Variants in HEATR5B observed in about 807,000 individuals in gnomAD.
The protein encoded by HEATR5B is HEAT repeat-containing protein 5B.
A neutral mutation model predicts 224.1 loss-of-function variants in HEATR5B; 156 were observed. The ratio of observed to expected loss-of-function variants is 0.70; its 90% CI spans 0.61 to 0.80. The LOEUF is 0.80. Ranked by LOEUF, HEATR5B falls within the 30% of genes least tolerant of loss-of-function variation. HEATR5B has a pLI of 0.00. For missense variants in HEATR5B, 2,323 were observed against 2,535.5 expected (o/e 0.92, Z 1.80); for synonymous variants, 1,027 against 893.0 (o/e 1.15, Z -2.68).
intron 26 of HEATR5B, 88 bp from the exon 27 acceptor site, chr2:37,014,108 A>G (rs1667963155): frequency 1.5e-6 from 1 of 658,008 alleles, no homozygotes; most frequent in Admixed American, 3.0e-5. Context: ...CCTAGAAGAT[A>G]AAACACAAAA....
chr2:37,032,145 T>A (rs369943364), intron 22 of HEATR5B, among the ~76,000 whole-genome samples: 26 of 152,314 alleles, frequency 1.7e-4, no homozygotes, highest in East Asian at 1.3e-3. Context: ...CAAGTGCCCC[T>A]GAAACATCCT....
intron 2 of HEATR5B, among the ~76,000 whole-genome samples, chr2:37,082,589 T>A (rs12469391): frequency 0.037 from 5,709 of 152,298 alleles, 122 homozygotes; most frequent in African/African-American, 0.058. Context: ...AACAATACCA[T>A]GAGCGATCTG....
intron 34 of HEATR5B, 24 bp downstream of exon 34, chr2:36,990,624 A>C: frequency 2.6e-6 from 4 of 1,516,100 alleles, no homozygotes; most frequent in Non-Finnish European, 3.6e-6. Flanking sequence ...GTTTTTATCT[A>C]TGTCTGTGTA....
chr2:37,005,872 T>C, intron 29 of HEATR5B, 113 bp from the exon 30 acceptor site: 3 of 777,660 alleles, frequency 3.9e-6, no homozygotes, highest in Non-Finnish European at 5.8e-6. Flanking sequence ...CATGTATTTA[T>C]TAATACCTTA....
intron 13 of HEATR5B, 39 bp downstream of exon 13, chr2:37,058,849 A>G: frequency 8.4e-7 from 1 of 1,195,128 alleles, no homozygotes; most frequent in Non-Finnish European, 1.2e-6. Flanking sequence ...TTATTAATAT[A>G]TAAAATAGGA....
intron 35 of HEATR5B, among the ~76,000 whole-genome samples, chr2:36,987,631 C>T (rs896236927): frequency 1.3e-5 from 2 of 151,690 alleles, no homozygotes; most frequent in African/African-American, 4.8e-5. Flanking sequence ...TGGATGTATG[C>T]AGTAGTTTTT....
intron 34 of HEATR5B, among the ~76,000 whole-genome samples, chr2:36,989,881 G>C (rs1312545478): frequency 6.7e-6 from 1 of 150,080 alleles, no homozygotes; most frequent in African/African-American, 2.5e-5. Context: ...AGACAGTACT[G>C]GAATCCAAGA....
At position 37,057,406 on chromosome 2, in the gene HEATR5B, A is replaced by T; in HGVS notation, c.2134T>A (p.Ser712Thr). The T allele has an allele frequency of 6.2e-7, 1 of 1,612,074 alleles. No individual in the cohort carries two copies. The highest frequency in any genetic ancestry group is 8.5e-7 in the Non-Finnish European group (1 of 1,179,014). The change falls in exon 15 of 36, where the codon TCC becomes ACC. Residue 712 changes from serine to threonine, a missense_variant. Around this residue, in one of 12 missense-constraint regions of HEATR5B, gnomAD observed 502 missense variants for 517.8 expected, o/e 0.97. Transcript: ENST00000233099. Reference sequence around the variant, plus strand: ...TAATGGCAGAGGGATCTGAGGAGGGAAGTAGTTGTGTTGGCTGAGTTGTCA... The same window carrying T: ...TAATGGCAGAGGGATCTGAGGAGGGTAGTAGTTGTGTTGGCTGAGTTGTCA... ...LTDNSANTTT[S>T]LLRSLCHYDD...
At chr2:36,995,094 T>G (rs186966926) in intron 33 of HEATR5B, among the ~76,000 whole-genome samples, 1,476 of 142,248 alleles carry the variant, frequency 0.01, 44 homozygotes, top group Non-Finnish European at 0.016. Context: ...CTTGTTTTTT[T>G]TTTTTTTTTT....
chr2:37,040,033 G>C (rs1398669173), intron 20 of HEATR5B, among the ~76,000 whole-genome samples: 37 of 152,128 alleles, frequency 2.4e-4, no homozygotes. Flanking sequence ...TAGCACTCTA[G>C]GCCAAAGGAA....
intron 30 of HEATR5B, 56 bp from the exon 31 acceptor site, chr2:37,003,742 T>C: frequency 7.8e-7 from 1 of 1,275,918 alleles, no homozygotes; most frequent in East Asian, 2.8e-5. Flanking sequence ...AGAATAACTT[T>C]ATATTGTTAA....
Position 37,002,333 on chromosome 2 carries a change from CAG to C in HEATR5B, c.5288_5289del (p.Ser1763Ter). 6.2e-7 allele frequency: 1 copy of C among 1,614,178 alleles called. No individual in the cohort carries two copies. The highest frequency in any genetic ancestry group is 1.6e-4 in the Middle Eastern group (1 of 6,062). On this transcript the variant is annotated frameshift_variant, in exon 32 of 36. Transcript: ENST00000233099. LOFTEE classifies it high-confidence loss of function. ...RLVAATVTILSDLPSLCSPAG... is the reference protein window; with the variant it reads ...RLVAATVTILXDLPSLCSPAG... ...GCGGGTGAACAAAGGGATGGTAAAT[CAG>C]AGAGTATGGTAACTGTGGCTGCCAC...
At chr2:37,068,173 A>T (rs745618589) in intron 8 of HEATR5B, among the ~76,000 whole-genome samples, 1 of 152,208 alleles carries the variant, frequency 6.6e-6, no homozygotes, top group African/African-American at 2.4e-5. Context: ...TATTTATTAA[A>T]TTGAAAAATT....
At chr2:37,070,860 T>A (rs1671862191) in intron 6 of HEATR5B, among the ~76,000 whole-genome samples, 3 of 152,222 alleles carry the variant, frequency 2.0e-5, no homozygotes. Context: ...CCACATATAG[T>A]AGCAAATGCA....
chr2:37,040,004 G>T (rs1669775600), intron 20 of HEATR5B, among the ~76,000 whole-genome samples: 1 of 152,188 alleles, frequency 6.6e-6, no homozygotes, highest in South Asian at 2.1e-4. Flanking sequence ...TGAAGCAAAA[G>T]TCCATGAAGA....
intron 35 of HEATR5B, among the ~76,000 whole-genome samples, chr2:36,984,215 AATATATAT>A (rs60636196): frequency 1.8e-4 from 14 of 77,616 alleles, no homozygotes; most frequent in African/African-American, 2.3e-4. Flanking sequence ...AAAAAAAAAA[AATATATAT>A]ATATATATAT....
At chr2:37,083,267 G>T (rs1469862833) in intron 2 of HEATR5B, 22 bp downstream of exon 2, 2 of 1,613,100 alleles carry the variant, frequency 1.2e-6, no homozygotes, top group East Asian at 2.2e-5. Flanking sequence ...AATGCAACTG[G>T]GAAAAAAGAG....
At chr2:37,031,846 T>TAAAAAGTTTCCAAACC (rs1669154101) in intron 22 of HEATR5B, among the ~76,000 whole-genome samples, 1 of 152,062 alleles carries the variant, frequency 6.6e-6, no homozygotes, top group African/African-American at 2.4e-5. Flanking sequence ...ATTAAACTCT[T>TAAAAAGTTTCCAAACC]AAAAAGTTTC....
At position 36,981,618 on chromosome 2, in the gene HEATR5B, C is replaced by T. The variant is rs761712052; in HGVS notation, c.6088G>A (p.Glu2030Lys). Residue 2030 changes from glutamate to lysine, a missense_variant, in exon 36 of 36, where the codon GAG becomes AAG. Glu to Lys is a moderately conservative substitution (Grantham distance 56). Coordinates refer to ENST00000233099, the MANE Select transcript of HEATR5B (RefSeq NM_019024.3). ...GCAGTTTCTAGACGCACTTTCAACT[C>T]AGGAGCAGCCCCCATTACTGTCTTG... ...AFKTVMGAAP[E>K]LKVRLETAVR... 1 of 1,614,196 alleles carries T rather than the reference C, an allele frequency of 6.2e-7. No homozygotes were observed. Among genetic ancestry groups the T allele is most frequent in the African/African-American group, 1.3e-5 (1 of 75,044 alleles).
Sources: allele counts gnomAD v4.1 joint callset (sites outside exome capture counted in the v4.1 genomes callset), GRCh38; gene constraint gnomAD v4.1.1; regional missense constraint gnomAD v4.1.1; transcripts MANE v1.5; gene names NCBI Gene and HGNC (gene_info 2026-07-23, HGNC 2026-07-21).